TRHDE: variants seen among roughly 807,000 people sequenced by gnomAD.
TRHDE encodes thyrotropin-releasing hormone-degrading ectoenzyme.
TRHDE carries 72 observed loss-of-function variants against 125.7 expected under a neutral mutation model. That is an observed-to-expected ratio of 0.57 (90% confidence interval 0.47 to 0.70). TRHDE has a LOEUF of 0.70. Ranked by LOEUF, TRHDE falls within the 30% of genes least tolerant of loss-of-function variation. The probability of loss-of-function intolerance (pLI) is 0.00; values close to 1 mark genes in which losing one functional copy is unlikely to be tolerated. For synonymous variants in TRHDE, 509 were observed against 509.1 expected (o/e 1.00, Z 0.00); for missense variants, 1,110 against 1,327.1 (o/e 0.84, Z 2.54).
At chr12:72,360,483 T>C (rs1200458701) in intron 2 of TRHDE, among the ~76,000 whole-genome samples, 1 of 151,732 alleles carries the variant, frequency 6.6e-6, no homozygotes, top group Non-Finnish European at 1.5e-5. Context: ...AATAAACATA[T>C]AAAATGATGC....
chr12:72,173,231 T>C (rs953029836), intron 2 of TRHDE, among the ~76,000 whole-genome samples: 1 of 152,114 alleles, frequency 6.6e-6, no homozygotes, highest in Non-Finnish European at 1.5e-5. Context: ...GGTGTCACAA[T>C]TGGGCAGAAT....
At chr12:72,429,657 G>A (rs75291748) in intron 3 of TRHDE, among the ~76,000 whole-genome samples, 6,362 of 151,896 alleles carry the variant, frequency 0.042, 474 homozygotes, top group African/African-American at 0.14. Context: ...CAGTATTGAG[G>A]GTTCCAATTT....
chr12:72,179,449 A>G (rs191166452), intron 2 of TRHDE, among the ~76,000 whole-genome samples: 110 of 152,196 alleles, frequency 7.2e-4, no homozygotes, highest in Admixed American at 1.6e-3. Context: ...CAGGTACCTC[A>G]TGTTCCAGTC....
chr12:72,628,419 T>C (rs1368416506), intron 15 of TRHDE, among the ~76,000 whole-genome samples: 1 of 151,866 alleles, frequency 6.6e-6, no homozygotes, highest in African/African-American at 2.4e-5. Context: ...CTTCACAACA[T>C]CTTTTCTCAA....
chr12:72,346,468 G>A (rs1003591927), intron 2 of TRHDE, among the ~76,000 whole-genome samples: 1 of 85,164 alleles, frequency 1.2e-5, no homozygotes, highest in African/African-American at 5.0e-5. Context: ...CCCATGTGGT[G>A]TGCTTTTGTG....
intron 2 of TRHDE, among the ~76,000 whole-genome samples, chr12:72,199,187 C>T (rs946492927): frequency 6.6e-6 from 1 of 152,092 alleles, no homozygotes; most frequent in Non-Finnish European, 1.5e-5. Context: ...GTCACCATCC[C>T]TTTCCTTTGA....
chr12:72,540,455 T>C (rs1319668833), intron 6 of TRHDE, among the ~76,000 whole-genome samples: 1 of 151,714 alleles, frequency 6.6e-6, no homozygotes, highest in South Asian at 2.1e-4. Flanking sequence ...GCTAGATTAA[T>C]AGTTTTTATA....
chr12:72,594,361 C>T (rs1405841661), intron 12 of TRHDE, among the ~76,000 whole-genome samples: 2 of 151,614 alleles, frequency 1.3e-5, no homozygotes, highest in Non-Finnish European at 2.9e-5. Context: ...CTTCGAGAAA[C>T]CCCGTCTCCA....
chr12:72,658,406 T>C (rs1874788598), intron 18 of TRHDE, among the ~76,000 whole-genome samples: 1 of 152,058 alleles, frequency 6.6e-6, no homozygotes. Context: ...GCAAAATCTC[T>C]CCCTCTTCTC....
rs559089011 is a variant in TRHDE at position 72,548,222 on chromosome 12, C to T, written c.1788+5866C>T. 1.3e-3 allele frequency among the ~76,000 whole-genome samples: 201 copies of T among 151,646 alleles called. 4 individuals are homozygous for T. In the South Asian group the frequency reaches 0.037, roughly 28 times the overall value. ...GAGTATAAATATACTGCAATTTTGC[C>T]CTCATTTTTTTGTCTGTCTCTGTAG... is the stretch of plus-strand genomic sequence containing the variant. On this transcript the variant is annotated intron_variant, in intron 7 of 18. Transcript: ENST00000261180.
intron 2 of TRHDE, among the ~76,000 whole-genome samples, chr12:72,328,360 A>G (rs974031951): frequency 6.6e-6 from 1 of 152,148 alleles, no homozygotes; most frequent in African/African-American, 2.4e-5. Context: ...CTACAATTTA[A>G]TGGTTTAAAT....
At chr12:72,565,088 A>G (rs1360768201) in intron 9 of TRHDE, among the ~76,000 whole-genome samples, 5 of 152,172 alleles carry the variant, frequency 3.3e-5, no homozygotes, top group Admixed American at 2.6e-4. Context: ...CTGAAAATTT[A>G]TTATTACAAT....
intron 5 of TRHDE, among the ~76,000 whole-genome samples, chr12:72,496,898 T>TA (rs572426816): frequency 2.6e-5 from 4 of 152,126 alleles, no homozygotes; most frequent in Non-Finnish European, 5.9e-5. Flanking sequence ...CAGGTCTTTA[T>TA]AAAAAATTAG....
At chr12:72,497,213 T>G (rs537541436) in intron 5 of TRHDE, among the ~76,000 whole-genome samples, 5 of 152,242 alleles carry the variant, frequency 3.3e-5, no homozygotes, top group African/African-American at 9.6e-5. Flanking sequence ...GCAAGGTTTG[T>G]TTTTGTTTTC....
intron 2 of TRHDE, among the ~76,000 whole-genome samples, chr12:72,371,285 C>A (rs945466809): frequency 6.6e-6 from 1 of 150,816 alleles, no homozygotes; most frequent in East Asian, 1.9e-4. Context: ...ACCTATGAAA[C>A]TCATTCATTT....
intron 3 of TRHDE, among the ~76,000 whole-genome samples, chr12:72,427,673 G>T (rs1049609302): frequency 1.3e-5 from 2 of 152,078 alleles, no homozygotes; most frequent in African/African-American, 4.8e-5. Context: ...CACCAAAAGG[G>T]TGGCTTTAAT....
At chr12:72,518,774 C>T (rs904035979) in intron 6 of TRHDE, among the ~76,000 whole-genome samples, 143 of 152,226 alleles carry the variant, frequency 9.4e-4, no homozygotes, top group African/African-American at 3.0e-3. Flanking sequence ...GATTTTGCAG[C>T]GGCTGGTACT....
At chr12:72,617,070 T>G (rs1872848030) in intron 12 of TRHDE, among the ~76,000 whole-genome samples, 1 of 152,270 alleles carries the variant, frequency 6.6e-6, no homozygotes, top group East Asian at 1.9e-4. Context: ...ATACAGTGGC[T>G]TATTTAATTA....
At chr12:72,389,410 T>C (rs1415585771) in intron 3 of TRHDE, among the ~76,000 whole-genome samples, 1 of 152,188 alleles carries the variant, frequency 6.6e-6, no homozygotes, top group Non-Finnish European at 1.5e-5. Flanking sequence ...GATTTGCTCT[T>C]TCACTTTGAG....
Sources: allele counts gnomAD v4.1 joint callset (sites outside exome capture counted in the v4.1 genomes callset), GRCh38; gene constraint gnomAD v4.1.1; transcripts MANE v1.5; gene names NCBI Gene and HGNC (gene_info 2026-07-23, HGNC 2026-07-21).